The following SPG11 variants were observed in gnomAD, a reference collection of about 807,000 sequenced individuals.
The protein encoded by SPG11 is SPG11 vesicle trafficking associated, spatacsin, also known as spatacsin.
SPG11 carries 222 observed loss-of-function variants against 274.0 expected under a neutral mutation model. The observed-to-expected ratio is 0.81, with a 90% CI of 0.73 to 0.91. The LOEUF is 0.91. Ranked by LOEUF, SPG11 falls within the 40% of genes least tolerant of loss-of-function variation. The probability of loss-of-function intolerance (pLI) is 0.00; values close to 1 mark genes in which losing one functional copy is unlikely to be tolerated. For synonymous variants in SPG11, 1,144 were observed against 1,039.7 expected (o/e 1.10, Z -1.93); for missense variants, 3,114 against 2,872.7 (o/e 1.08, Z -1.92).
intron 15 of SPG11, among the ~76,000 whole-genome samples, chr15:44,619,435 GAATTA>G (rs915274188): frequency 2.4e-4 from 36 of 152,232 alleles, no homozygotes; most frequent in African/African-American, 8.4e-4. Context: ...TTTTCTAAAT[GAATTA>G]AAGTTTAAAA....
chr15:44,610,981 G>A lies in SPG11; in HGVS notation c.3150C>T (p.Pro1050=). The A allele has an allele frequency of 6.2e-7, 1 of 1,611,998 alleles. No homozygotes were observed. ...CAAGGCTAGCCTGGAAGATCAGTTT[G>A]GGATCTGGAAAATAAAAGACAGTGT... ...CRQVASNLTD[P]KLIFQASLAN... is the part of the protein sequence containing the mutation. Residue 1050 remains proline, a synonymous_variant, in exon 18 of 40, where the codon CCC becomes CCT. Coordinates refer to ENST00000261866, the MANE Select transcript of SPG11 (RefSeq NM_025137.4).
chr15:44,619,432 A>C (rs2083677805), intron 15 of SPG11, among the ~76,000 whole-genome samples: 1 of 152,196 alleles, frequency 6.6e-6, no homozygotes, highest in African/African-American at 2.4e-5. Context: ...GGCTTTTCTA[A>C]ATGAATTAAA....
intron 20 of SPG11, 48 bp downstream of exon 20, chr15:44,605,977 A>C: frequency 6.8e-7 from 1 of 1,462,690 alleles, no homozygotes; most frequent in Non-Finnish European, 9.6e-7. Context: ...TAACTTCTGT[A>C]GTTAACACTG....
chr15:44,663,209 C>G (rs1293274502), intron 1 of SPG11, among the ~76,000 whole-genome samples, 182 bp downstream of exon 1: 1 of 152,244 alleles, frequency 6.6e-6, no homozygotes, highest in African/African-American at 2.4e-5. Context: ...GCGAGCGTTT[C>G]AGGTCGGGGG....
chr15:44,599,035 C>T lies in SPG11; in HGVS notation c.3687-199G>A, dbSNP rs577748389. ...GTTGTCTTTTGGCCCAAGAGCCCCC[C>T]GCTTCCCTTAAGCTGACTTTCTAAA... On this transcript the variant is annotated intron_variant, in intron 21 of 39. Transcript: ENST00000261866. Among the ~76,000 whole-genome samples the T allele has an allele frequency of 4.0e-4, 61 of 152,312 alleles. No individual in the cohort carries two copies. The South Asian group carries it at 0.012, about 29-fold the overall frequency.
At chr15:44,600,236 G>A in intron 21 of SPG11, 1 of 478,700 alleles carries the variant, frequency 2.1e-6, no homozygotes, top group Non-Finnish European at 3.8e-6. Context: ...CAATGTACAT[G>A]TAAAACATTA....
intron 9 of SPG11, 34 bp from the exon 10 acceptor site, chr15:44,628,878 GT>G: frequency 6.3e-7 from 1 of 1,582,044 alleles, no homozygotes; most frequent in Non-Finnish European, 8.7e-7. Context: ...ATTTGTGTGT[GT>G]GTGTGTAAAT....
In SPG11 at chr15:44,660,383, G is replaced by T. The variant is rs377245321; in HGVS notation, c.442+49C>A. On this transcript the variant is annotated intron_variant, in intron 2 of 39. Transcript: ENST00000261866. The stretch of plus-strand genomic sequence containing the variant: ...TTTTCCTGAAGTATGTAACTACATG[G>T]TAATGTCACAAATTTAAATATGCTG... The T allele has an allele frequency of 2.7e-4, 422 of 1,540,402 alleles. 4 individuals carry two copies. The South Asian group carries it at 4.0e-3, about 15-fold the overall frequency.
At chr15:44,614,721 A>C (rs1030753673) in intron 16 of SPG11, among the ~76,000 whole-genome samples, 9 of 152,196 alleles carry the variant, frequency 5.9e-5, no homozygotes, top group African/African-American at 1.9e-4. Context: ...TAACTACCCC[A>C]TAGAGTTTTT....
chr15:44,651,456 G>C (rs193236367), intron 6 of SPG11, 35 bp downstream of exon 6: 1 of 1,574,044 alleles, frequency 6.4e-7, no homozygotes, highest in African/African-American at 1.4e-5. Context: ...ATACATCTCA[G>C]CAATGGATTT....
chr15:44,618,246 C>T (rs187063311), intron 15 of SPG11, among the ~76,000 whole-genome samples: 82 of 152,034 alleles, frequency 5.4e-4, no homozygotes, highest in Admixed American at 2.3e-3. Flanking sequence ...CAGTGGCTCA[C>T]GCCTGTAATC....
intron 23 of SPG11, among the ~76,000 whole-genome samples, chr15:44,597,355 G>A (rs959719029): frequency 1.3e-5 from 2 of 151,978 alleles, no homozygotes; most frequent in African/African-American, 2.4e-5. Flanking sequence ...CAGGTGATCC[G>A]TCCGCCTCAC....
In SPG11 at chr15:44,592,319, A is replaced by T. The variant is rs1172312222; in HGVS notation, c.4743+12T>A. The T allele has an allele frequency of 6.5e-7, 1 of 1,532,744 alleles. No individual in the cohort carries two copies. The highest frequency in any genetic ancestry group is 1.1e-5 in the South Asian group (1 of 89,392). 94.9% of individuals were successfully genotyped at this position (1,532,744 alleles called of 1,614,324 possible). On this transcript the variant is annotated intron_variant, in intron 27 of 39. Coordinates refer to ENST00000261866, the MANE Select transcript of SPG11 (RefSeq NM_025137.4). ...CAGATCAGTGAGAAAGAGCACCATA[A>T]TTCCAACTTACCGTTTCAAGGCTCT...
At position 44,615,473 on chromosome 15, in the gene SPG11, A is replaced by T. The variant is rs2141014954; in HGVS notation, c.2928T>A (p.Pro976=). The part of the protein sequence containing the change: ...RIGGVIQDTL[P]VQNYKTKEGW... ...CTTCTTTGGTCTTGTAGTTTTGAAC[A>T]GGGAGGGTATCCTGTATTACACCTC... The change falls in exon 16 of 40, where the codon CCT becomes CCA. Residue 976 remains proline (P), a synonymous_variant. Transcript: ENST00000261866. The T allele has an allele frequency of 1.9e-6, 3 of 1,614,124 alleles. No homozygotes were observed. The highest frequency in any genetic ancestry group is 2.5e-6 in the Non-Finnish European group (3 of 1,179,980).
At position 44,610,917 on chromosome 15, in the gene SPG11, C is replaced by T; in HGVS notation, c.3214G>A (p.Val1072Ile). The stretch of plus-strand genomic sequence containing the variant: ...TGTCCTTCCAATAGCATACTGCTTA[C>T]ACTGGCCTGATTGGTGGGAATCAAA... ...QILIPTNQAS[V>I]SSMLLEGHTL... The change falls in exon 18 of 40, where the codon GTA (valine) becomes ATA (isoleucine). Residue 1072 changes from valine to isoleucine, a missense_variant. Physicochemically the swap from Val to Ile is conservative, Grantham distance 29 (BLOSUM62 3). Transcript: ENST00000261866. 6.2e-7 allele frequency: 1 copy of T among 1,613,866 alleles called. No homozygotes were observed. Among genetic ancestry groups the T allele is most frequent in the African/African-American group, 1.3e-5 (1 of 74,962 alleles).
intron 16 of SPG11, among the ~76,000 whole-genome samples, chr15:44,614,425 C>T (rs1006147509): frequency 6.6e-6 from 1 of 152,120 alleles, no homozygotes; most frequent in African/African-American, 2.4e-5. Flanking sequence ...AGACCCACTA[C>T]ATTGCCCAGG....
intron 7 of SPG11, among the ~76,000 whole-genome samples, chr15:44,637,147 T>C (rs574372931): frequency 1.3e-5 from 2 of 152,230 alleles, no homozygotes; most frequent in East Asian, 3.9e-4. Flanking sequence ...ATGTGTTTAA[T>C]AGCAGATTAG....
chr15:44,663,498 C>G lies in SPG11; in HGVS notation c.150G>C (p.Gln50His), dbSNP rs745498485. 78 of 1,594,434 alleles carry G rather than the reference C, an allele frequency of 4.9e-5. No homozygotes were observed. Among genetic ancestry groups the G allele is most frequent in the Non-Finnish European group, 6.2e-5 (73 of 1,171,344 alleles). Residue 50 changes from glutamine (Q) to histidine (H), a missense_variant, in exon 1 of 40, where the codon CAG becomes CAC. Transcript: ENST00000261866. Reference sequence around the variant, plus strand: ...CCGTCAGGCTCCCCAGAGCCTCCGGCTGTGTGCGCAGCTGCGCCCGGGAGC... The same window carrying G: ...CCGTCAGGCTCCCCAGAGCCTCCGGGTGTGTGCGCAGCTGCGCCCGGGAGC... ...QLGSRAQLRT[Q>H]PEALGSLTAA...
At chr15:44,627,015 A>T (rs1820233650) in intron 10 of SPG11, among the ~76,000 whole-genome samples, 1 of 152,206 alleles carries the variant, frequency 6.6e-6, no homozygotes, top group South Asian at 2.1e-4. Flanking sequence ...ATGTAACTGG[A>T]GAGAGTAGCA....
Sources: allele counts gnomAD v4.1 joint callset (sites outside exome capture counted in the v4.1 genomes callset), GRCh38; gene constraint gnomAD v4.1.1; transcripts MANE v1.5; gene names NCBI Gene and HGNC (gene_info 2026-07-23, HGNC 2026-07-21).